SLC2A9: variants seen among roughly 807,000 people sequenced by gnomAD.
SLC2A9 encodes the protein solute carrier family 2, facilitated glucose transporter member 9.
SLC2A9 carries 39 observed loss-of-function variants against 50.6 expected under a neutral mutation model. That is an observed-to-expected ratio of 0.77 (90% CI 0.60 to 1.01). The LOEUF (loss-of-function observed/expected upper bound fraction) is 1.01. SLC2A9 is among the 50% of genes least tolerant of loss of function. The probability of loss-of-function intolerance (pLI) is 0.00; values close to 1 mark genes in which losing one functional copy is unlikely to be tolerated. For missense variants in SLC2A9, 686 were observed against 677.6 expected, an observed-to-expected ratio of 1.01 and a Z score of -0.14; for synonymous variants, 324 against 276.9, an observed-to-expected ratio of 1.17 and a Z score of -1.69.
chr4:9,906,011 C>G (rs893393973), intron 8 of SLC2A9, among the ~76,000 whole-genome samples: 1 of 152,174 alleles, frequency 6.6e-6, no homozygotes, highest in African/African-American at 2.4e-5. Flanking sequence ...CCATCGTAGC[C>G]TTATGTAAAA....
chr4:9,911,390 T>A (rs1256532898), intron 7 of SLC2A9, among the ~76,000 whole-genome samples: 1 of 152,166 alleles, frequency 6.6e-6, no homozygotes, highest in African/African-American at 2.4e-5. Context: ...GGTGACTGCC[T>A]TCAGCTTTAC....
downstream of SLC2A9, among the ~76,000 whole-genome samples, chr4:9,777,446 C>G (rs1337872408): frequency 6.6e-6 from 1 of 152,096 alleles, no homozygotes; most frequent in Admixed American, 6.5e-5. Flanking sequence ...CCCTATCTGT[C>G]ACTTACACAC....
At chr4:9,778,301 G>A (rs1310245878), downstream of SLC2A9, among the ~76,000 whole-genome samples, 1 of 151,988 alleles carries the variant, frequency 6.6e-6, no homozygotes. Context: ...TGCATTTTTA[G>A]TAGAGACGGG....
chr4:9,935,142 C>G (rs1299234061), intron 6 of SLC2A9, among the ~76,000 whole-genome samples: 1 of 152,146 alleles, frequency 6.6e-6, no homozygotes, highest in Non-Finnish European at 1.5e-5. Context: ...CTTTACAGTA[C>G]AATGATTTAT....
chr4:10,017,488 A>C (rs1017970339), intron 2 of SLC2A9, among the ~76,000 whole-genome samples: 1 of 152,250 alleles, frequency 6.6e-6, no homozygotes, highest in Non-Finnish European at 1.5e-5. Flanking sequence ...CCTGGTTTTC[A>C]AACAGTTTTT....
At chr4:9,830,205 C>A (rs544975078) in intron 11 of SLC2A9, among the ~76,000 whole-genome samples, 1 of 152,182 alleles carries the variant, frequency 6.6e-6, no homozygotes, top group Non-Finnish European at 1.5e-5. Context: ...GAGATCAAGT[C>A]CTTTGCAGTG....
chr4:9,958,480 A>G (rs942211491), intron 5 of SLC2A9, among the ~76,000 whole-genome samples: 28 of 152,176 alleles, frequency 1.8e-4, no homozygotes, highest in African/African-American at 6.7e-4. Flanking sequence ...ACATCACACA[A>G]TGGGGCCTGT....
At chr4:9,772,858 A>C (rs944476589) in intron 1 of SLC2A9, among the ~76,000 whole-genome samples, 1 of 149,582 alleles carries the variant, frequency 6.7e-6, no homozygotes, top group African/African-American at 2.5e-5. Context: ...GTTTTAGGGT[A>C]CATGTGCACA....
intron 5 of SLC2A9, among the ~76,000 whole-genome samples, chr4:9,968,195 C>T (rs928863899): frequency 5.3e-5 from 8 of 152,046 alleles, no homozygotes; most frequent in East Asian, 1.9e-4. Context: ...GTTTAAAATG[C>T]TATCTTCTTC....
In SLC2A9 at chr4:10,013,365, C is replaced by T. The variant is rs112199358; in HGVS notation, c.249+5610G>A. On this transcript the variant is annotated intron_variant, in intron 2 of 11. Coordinates refer to ENST00000264784, the MANE Select transcript of SLC2A9 (RefSeq NM_020041.3). ...TGCAGGTGTTCTCTTCCAAATGAGG[C>T]ATGAAAAGTAGTCAGATCCTGGGGA... 7.4e-3 allele frequency among the ~76,000 whole-genome samples: 1,127 copies of T among 152,256 alleles called. 8 individuals carry two copies. The highest frequency in any genetic ancestry group is 0.025 in the African/African-American group (1,045 of 41,532).
chr4:9,849,507 T>C (rs1325241716), intron 10 of SLC2A9, among the ~76,000 whole-genome samples: 1 of 152,190 alleles, frequency 6.6e-6, no homozygotes, highest in East Asian at 1.9e-4. Flanking sequence ...AATTAGCATG[T>C]TTTGACATAG....
intron 5 of SLC2A9, among the ~76,000 whole-genome samples, chr4:9,977,677 C>G (rs1394688927): frequency 6.6e-6 from 1 of 151,992 alleles, no homozygotes; most frequent in African/African-American, 2.4e-5. Context: ...TCCTACAGAC[C>G]CGCCCAGATA....
intron 3 of SLC2A9, among the ~76,000 whole-genome samples, chr4:9,996,497 G>A (rs943030967): frequency 6.6e-6 from 1 of 152,206 alleles, no homozygotes; most frequent in Non-Finnish European, 1.5e-5. Context: ...GGAGGAGGGA[G>A]GGGTCAGGGC....
chr4:10,031,888 C>G (rs1339363368), intron 1 of SLC2A9, among the ~76,000 whole-genome samples: 1 of 152,208 alleles, frequency 6.6e-6, no homozygotes, highest in Non-Finnish European at 1.5e-5. Context: ...TGAGGGTCAC[C>G]AAGAGGTCAC....
At chr4:9,810,235 G>T (rs529368235) in intron 3 of SLC2A9, among the ~76,000 whole-genome samples, 1 of 151,720 alleles carries the variant, frequency 6.6e-6, no homozygotes, top group South Asian at 2.1e-4. Flanking sequence ...CAGTAGAGCC[G>T]CAGTTAAGTG....
At chr4:10,022,928 G>A (rs538679481), upstream of SLC2A9, among the ~76,000 whole-genome samples, 1 of 152,318 alleles carries the variant, frequency 6.6e-6, no homozygotes, top group African/African-American at 2.4e-5. Flanking sequence ...TCGTCCTTCT[G>A]TGTGTTAATC....
chr4:9,941,535 A>G (rs1276944213), intron 6 of SLC2A9, among the ~76,000 whole-genome samples: 1 of 152,178 alleles, frequency 6.6e-6, no homozygotes, highest in Non-Finnish European at 1.5e-5. Flanking sequence ...TGAAGGGAGA[A>G]GAAGTGGAAG....
chr4:9,904,991 C>G (rs1446412881), intron 8 of SLC2A9, among the ~76,000 whole-genome samples: 6 of 152,208 alleles, frequency 3.9e-5, no homozygotes, highest in African/African-American at 1.4e-4. Context: ...CTCTCAGGTT[C>G]CTGGTCCCTG....
Position 9,991,002 on chromosome 4 carries a change from A to G in SLC2A9, c.411-5209T>C, listed in dbSNP as rs182664578. Among the ~76,000 whole-genome samples the G allele has an allele frequency of 9.3e-4, 142 of 152,344 alleles. 1 individual carries two copies. The highest frequency in any genetic ancestry group is 7.8e-4 in the Non-Finnish European group (53 of 68,038). On this transcript the variant is annotated intron_variant, in intron 3 of 11. Transcript: ENST00000264784. ...GGGTTGACTCTTCTCCAGAAGATTG[A>G]CATTGGCTCTGAAGGTGGATCCCCC...
Sources: allele counts gnomAD v4.1 joint callset (sites outside exome capture counted in the v4.1 genomes callset), GRCh38; gene constraint gnomAD v4.1.1; transcripts MANE v1.5; gene names NCBI Gene and HGNC (gene_info 2026-07-23, HGNC 2026-07-21).